C11orf58: variants seen among roughly 807,000 people sequenced by gnomAD.
C11orf58 encodes small acidic protein.
A neutral mutation model predicts 22.7 loss-of-function variants in C11orf58; 5 were observed. That is an observed-to-expected ratio of 0.22 (90% confidence interval 0.12 to 0.46). C11orf58 has a LOEUF of 0.46. Among genes scored for constraint, C11orf58 ranks in the 20% least tolerant of loss-of-function variants. The probability of loss-of-function intolerance (pLI) is 0.99; values close to 1 mark genes in which losing one functional copy is unlikely to be tolerated. For synonymous variants in C11orf58, 71 were observed against 70.7 expected (o/e 1.00, Z -0.02); for missense variants, 151 against 223.3 (o/e 0.68, Z 2.06).
intron 3 of C11orf58, chr11:16,748,619 C>T (rs958201218): frequency 6.6e-6 from 1 of 151,096 alleles, no homozygotes; most frequent in Admixed American, 6.6e-5. Context: ...GTGGCTCACA[C>T]CTGTAATCCC....
At chr11:16,748,833 G>A (rs1375925506) in intron 3 of C11orf58, among the ~76,000 whole-genome samples, 2 of 152,068 alleles carry the variant, frequency 1.3e-5, no homozygotes, top group Non-Finnish European at 2.9e-5. Context: ...TAAAAGATGA[G>A]AGAGTATATG....
At chr11:16,745,652 A>G (rs2134070174) in intron 2 of C11orf58, among the ~76,000 whole-genome samples, 1 of 152,266 alleles carries the variant, frequency 6.6e-6, no homozygotes, top group South Asian at 2.1e-4. Flanking sequence ...ATATTCAAGT[A>G]TAAGTGGATC....
At position 16,738,802 on chromosome 11, in the gene C11orf58, C is replaced by G. The variant is rs1362078766; in HGVS notation, c.24C>G (p.His8Gln). The change falls in exon 1 of 5, where the codon CAC becomes CAG. Residue 8 changes from histidine (H) to glutamine (Q), a missense_variant. By Grantham distance (24) the His-to-Gln change is conservative. This residue lies in a region of C11orf58 where 34 missense variants were observed against 36.5 expected (regional missense o/e 0.93). Coordinates refer to ENST00000228136, the MANE Select transcript of C11orf58 (RefSeq NM_014267.6). MSAARES[H>Q]PHGVKRSASP... ...GGATGAGTGCTGCCAGAGAGTCTCACCCGCATGGGGTGAAGCGTTCAGCCT... is the reference window on the plus strand; with the variant it reads ...GGATGAGTGCTGCCAGAGAGTCTCAGCCGCATGGGGTGAAGCGTTCAGCCT... The G allele has an allele frequency of 1.2e-6, 2 of 1,614,080 alleles. No homozygotes were observed. Among genetic ancestry groups the G allele is most frequent in the Non-Finnish European group, 1.7e-6 (2 of 1,180,018 alleles).
intron 1 of C11orf58, among the ~76,000 whole-genome samples, chr11:16,743,524 G>A (rs1029772166): frequency 1.8e-4 from 28 of 152,122 alleles, no homozygotes; most frequent in African/African-American, 6.5e-4. Flanking sequence ...TCTAGAATAC[G>A]ACTGCCTTTC....
In C11orf58 at chr11:16,748,077, C is replaced by T. The variant is rs776899065; in HGVS notation, c.148-20C>T. On this transcript the variant is annotated intron_variant, in intron 2 of 4. Transcript: ENST00000228136. The stretch of plus-strand genomic sequence containing the variant: ...AAATTAGTGGTCTCAAATGCTAATA[C>T]ATTTTCAACCTTCTTATAGAAAGAA... The T allele has an allele frequency of 8.1e-6, 13 of 1,596,646 alleles. No individual in the cohort carries two copies. The South Asian group carries it at 9.9e-5, about 12-fold the overall frequency.
chr11:16,744,908 AG>A (rs1848476258), intron 2 of C11orf58, among the ~76,000 whole-genome samples: 1 of 152,190 alleles, frequency 6.6e-6, no homozygotes, highest in Admixed American at 6.5e-5. Context: ...GACTGTACAG[AG>A]AAAAATTTGG....
intron 4 of C11orf58, 69 bp from the exon 5 acceptor site, chr11:16,754,802 T>TA: frequency 1.3e-6 from 2 of 1,582,478 alleles, no homozygotes; most frequent in Non-Finnish European, 1.7e-6. Context: ...CGACAGAACT[T>TA]ACGGTCTTTC....
In C11orf58 at chr11:16,738,750, C is replaced by G; in HGVS notation, c.-29C>G. On this transcript the variant is annotated 5_prime_UTR_variant, in exon 1 of 5. Coordinates refer to ENST00000228136, the MANE Select transcript of C11orf58 (RefSeq NM_014267.6). ...GGCTGGGAAGAGCGGCGAGAGGGTTCGGCATTTTTCGTCGGGATCCCCGCA... is the reference window on the plus strand; with the variant it reads ...GGCTGGGAAGAGCGGCGAGAGGGTTGGGCATTTTTCGTCGGGATCCCCGCA... 1 of 1,612,882 alleles carries G rather than the reference C, an allele frequency of 6.2e-7. No individual in the cohort carries two copies. Among genetic ancestry groups the G allele is most frequent in the African/African-American group, 1.3e-5 (1 of 74,874 alleles).
rs1848475831 is a variant in C11orf58 at position 16,744,852 on chromosome 11, AT to A, written c.147+170del. ...GCCTAACCAAGCACATAAAATTTAT[AT>A]TATTTTTGAGCCACTTCTAGGATTC... On this transcript the variant is annotated intron_variant, in intron 2 of 4. Coordinates refer to ENST00000228136, the MANE Select transcript of C11orf58 (RefSeq NM_014267.6). 3.3e-5 allele frequency among the ~76,000 whole-genome samples: 5 copies of A among 152,164 alleles called. No homozygotes were observed. In the South Asian group the frequency reaches 1.0e-3, roughly 31 times the overall value.
At chr11:16,739,082 TGA>T (rs1221990886) in intron 1 of C11orf58, among the ~76,000 whole-genome samples, 1 of 152,200 alleles carries the variant, frequency 6.6e-6, no homozygotes, top group East Asian at 1.9e-4. Flanking sequence ...AAGGAAATTC[TGA>T]GAGGGTCGAG....
chr11:16,756,423 C>T lies in C11orf58; in HGVS notation c.*1319C>T, dbSNP rs1760115524. The T allele has an allele frequency of 6.6e-6, 1 of 151,812 alleles. No homozygotes were observed. Among genetic ancestry groups the T allele is most frequent in the Non-Finnish European group, 1.5e-5 (1 of 68,014 alleles). The allele number at this position is 151,812 out of a possible 1,614,324, so 9.4% of individuals were successfully genotyped here. A position where few individuals can be genotyped will look rare whatever the true frequency, so the allele number is the denominator to read the frequency against. On this transcript the variant is annotated 3_prime_UTR_variant, in exon 5 of 5. Coordinates refer to ENST00000228136, the MANE Select transcript of C11orf58 (RefSeq NM_014267.6). ...TAGTTGGGACTACAGTCATGTGCCA[C>T]TACTCCTGGCTAATTTTTTGTATTT... is the stretch of plus-strand genomic sequence containing the variant.
intron 3 of C11orf58, among the ~76,000 whole-genome samples, chr11:16,748,919 T>C (rs1384670394): frequency 6.6e-6 from 1 of 152,220 alleles, no homozygotes; most frequent in East Asian, 1.9e-4. Context: ...ATATTTTAAT[T>C]GTAGTGAGGT....
intron 3 of C11orf58, chr11:16,748,573 T>TAA (rs10690437): frequency 0.42 from 45,285 of 106,818 alleles, 9,713 homozygotes; most frequent in East Asian, 0.73. Flanking sequence ...GTGTCTCTAC[T>TAA]AAAAAAAAAA....
rs923085662 is a variant in C11orf58 at position 16,755,742 on chromosome 11, T to G, written c.*638T>G. 1.3e-4 allele frequency: 20 copies of G among 152,668 alleles called. No homozygotes were observed. Among genetic ancestry groups the G allele is most frequent in the African/African-American group, 4.6e-4 (19 of 41,460 alleles). The allele number at this position is 152,668 out of a possible 1,614,324, so 9.5% of individuals were successfully genotyped here. A position where few individuals can be genotyped will look rare whatever the true frequency, so the allele number is the denominator to read the frequency against. On this transcript the variant is annotated 3_prime_UTR_variant, in exon 5 of 5. Transcript: ENST00000228136. ...TTGGATTGTATCGTATGTTAGATTT[T>G]TGATAAAATTTGGCCAATTTTTACA...
In C11orf58 at chr11:16,757,660, T is replaced by C. The variant is rs762666080; in HGVS notation, c.*2556T>C. 1.8e-4 allele frequency among the ~76,000 whole-genome samples: 28 copies of C among 152,252 alleles called. No homozygotes were observed. Among genetic ancestry groups the C allele is most frequent in the Non-Finnish European group, 3.7e-4 (25 of 68,038 alleles). ...ATTATTTTTGTGCTGTGAAACACTATTCAGTGGAAAGTTTAGTGGCAACTT... is the reference window on the plus strand; with the variant it reads ...ATTATTTTTGTGCTGTGAAACACTACTCAGTGGAAAGTTTAGTGGCAACTT... On this transcript the variant is annotated 3_prime_UTR_variant, in exon 5 of 5. Transcript: ENST00000228136.
chr11:16,738,950 G>C, intron 1 of C11orf58, 109 bp downstream of exon 1: 1 of 1,213,052 alleles, frequency 8.2e-7, no homozygotes, highest in Non-Finnish European at 1.2e-6. Flanking sequence ...CAGCGGGAGA[G>C]CCCAGGGAAG....
At chr11:16,747,808 AT>A (rs1480035888) in intron 2 of C11orf58, 1 of 194,586 alleles carries the variant, frequency 5.1e-6, no homozygotes, top group African/African-American at 2.3e-5. Context: ...CTAGTTATCT[AT>A]TCATCTTATT....
Position 16,738,688 on chromosome 11 carries a change from C to G in C11orf58, c.-91C>G. ...GGCTCTGCGTTCTGTAGTGGCGCTG[C>G]TTGGGCCCTTGGCGGATTGTAAGCT... On this transcript the variant is annotated 5_prime_UTR_variant, in exon 1 of 5. Transcript: ENST00000228136. 7.0e-7 allele frequency: 1 copy of G among 1,420,210 alleles called. No homozygotes were observed. The allele number at this position is 1,420,210 out of a possible 1,614,324, so 88.0% of individuals were successfully genotyped here.
intron 1 of C11orf58, among the ~76,000 whole-genome samples, chr11:16,743,764 GAATAATGAATTATA>G (rs1330549128): frequency 5.3e-5 from 8 of 151,958 alleles, no homozygotes; most frequent in Admixed American, 2.6e-4. Flanking sequence ...GCATAGTTGA[GAATAATGAATTATA>G]AATAATGAAT....
Sources: allele counts gnomAD v4.1 joint callset (sites outside exome capture counted in the v4.1 genomes callset), GRCh38; gene constraint gnomAD v4.1.1; regional missense constraint gnomAD v4.1.1; transcripts MANE v1.5; gene names NCBI Gene and HGNC (gene_info 2026-07-23, HGNC 2026-07-21).